Variants in DPYD observed in about 807,000 individuals in gnomAD.
DPYD encodes the protein dihydropyrimidine dehydrogenase [NADP(+)].
A neutral mutation model predicts 116.2 loss-of-function variants in DPYD; 109 were observed. That is an observed-to-expected ratio of 0.94 (90% confidence interval 0.80 to 1.10). The LOEUF is 1.10. DPYD is among the 50% of genes least tolerant of loss of function. The pLI is 0.00. For synonymous variants in DPYD, 440 were observed against 432.0 expected (o/e 1.02, Z -0.23); for missense variants, 1,302 against 1,254.5 (o/e 1.04, Z -0.57).
Position 97,078,943 on chromosome 1 carries a change from TG to T in DPYD, c.*32del, listed in dbSNP as rs763742591. The stretch of plus-strand genomic sequence containing the variant: ...AAAAGATCAGCATATGTAGGTGACA[TG>T]AAAGTTCACAGCAACTGTTTCACAA... On this transcript the variant is annotated 3_prime_UTR_variant, in exon 23 of 23. Coordinates refer to ENST00000370192, the MANE Select transcript of DPYD (RefSeq NM_000110.4). The T allele has an allele frequency of 7.4e-6, 12 of 1,612,356 alleles. No individual in the cohort carries two copies. The East Asian group carries it at 2.7e-4, about 36-fold the overall frequency.
At chr1:97,571,340 T>C (rs1471032331) in intron 11 of DPYD, among the ~76,000 whole-genome samples, 2 of 151,932 alleles carry the variant, frequency 1.3e-5, no homozygotes, top group African/African-American at 4.8e-5. Context: ...TCCTGAGAGG[T>C]AGAAAGATAA....
intron 3 of DPYD, among the ~76,000 whole-genome samples, chr1:97,760,712 T>G (rs948390059): frequency 6.6e-6 from 1 of 152,002 alleles, no homozygotes; most frequent in Non-Finnish European, 1.5e-5. Context: ...ACTTCAGGGA[T>G]CAGAGAAGAA....
intron 14 of DPYD, among the ~76,000 whole-genome samples, chr1:97,404,878 CTTTTGTGGTTGTATTTCATTA>C (rs1430597998): frequency 2.7e-5 from 4 of 148,876 alleles, no homozygotes; most frequent in Non-Finnish European, 6.0e-5. Context: ...CTGTTTCCGT[CTTTTGTGGTTGTATTTCATTA>C]TTTTATGTGA....
chr1:97,391,046 CTCTTT>C (rs2101601159), intron 14 of DPYD, among the ~76,000 whole-genome samples: 2 of 133,610 alleles, frequency 1.5e-5, no homozygotes, highest in Admixed American at 1.5e-4. Context: ...CTTACTTTTC[CTCTTT>C]TTTTTTTTTT....
chr1:97,630,566 G>C (rs1351430263), intron 8 of DPYD, among the ~76,000 whole-genome samples: 2 of 152,090 alleles, frequency 1.3e-5, no homozygotes, highest in South Asian at 2.1e-4. Context: ...TGTTTTGTCA[G>C]CTTCAAGCTG....
chr1:97,264,542 T>C (rs1664107968), intron 18 of DPYD, among the ~76,000 whole-genome samples: 1 of 152,046 alleles, frequency 6.6e-6, no homozygotes, highest in African/African-American at 2.4e-5. Context: ...CAATACCGTT[T>C]CCATTAATCA....
intron 3 of DPYD, among the ~76,000 whole-genome samples, chr1:97,760,176 G>C (rs1285369844): frequency 1.3e-5 from 2 of 152,150 alleles, no homozygotes; most frequent in African/African-American, 4.8e-5. Context: ...ACCTGAGAGA[G>C]GGTAGCTGGA....
At chr1:97,518,678 G>C (rs1648412413) in intron 12 of DPYD, among the ~76,000 whole-genome samples, 3 of 151,942 alleles carry the variant, frequency 2.0e-5, no homozygotes. Context: ...TTCAATTTCA[G>C]AAAATACTAT....
At chr1:97,385,369 T>G (rs1672277490) in intron 14 of DPYD, among the ~76,000 whole-genome samples, 1 of 130,858 alleles carries the variant, frequency 7.6e-6, no homozygotes, top group Admixed American at 8.3e-5. Flanking sequence ...AACTGGGGAA[T>G]GGGCAGAGCC....
intron 8 of DPYD, among the ~76,000 whole-genome samples, chr1:97,654,802 T>G (rs1183213990): frequency 6.6e-6 from 1 of 152,182 alleles, no homozygotes; most frequent in Non-Finnish European, 1.5e-5. Context: ...CTGGGTAATT[T>G]ATAAAGAAAA....
At chr1:97,589,407 C>G (rs930218950) in intron 10 of DPYD, among the ~76,000 whole-genome samples, 3 of 152,164 alleles carry the variant, frequency 2.0e-5, no homozygotes, top group African/African-American at 7.2e-5. Flanking sequence ...TCTCACAGAT[C>G]TGATGATTGT....
chr1:97,685,855 T>C (rs2100934071), intron 7 of DPYD, among the ~76,000 whole-genome samples: 1 of 152,076 alleles, frequency 6.6e-6, no homozygotes, highest in African/African-American at 2.4e-5. Context: ...AAAGGAAAAA[T>C]ACTCCATGCT....
At chr1:97,842,294 A>G (rs1306136917) in intron 2 of DPYD, among the ~76,000 whole-genome samples, 3 of 151,988 alleles carry the variant, frequency 2.0e-5, no homozygotes, top group Non-Finnish European at 4.4e-5. Context: ...TAGAATAATT[A>G]AATATTGGCT....
At chr1:97,361,982 G>A (rs1015710966) in intron 16 of DPYD, among the ~76,000 whole-genome samples, 2 of 152,150 alleles carry the variant, frequency 1.3e-5, no homozygotes, top group East Asian at 3.9e-4. Context: ...AGAAATAAAG[G>A]GCATTCAATT....
At chr1:97,592,952 C>T (rs1340486489) in intron 10 of DPYD, among the ~76,000 whole-genome samples, 1 of 152,124 alleles carries the variant, frequency 6.6e-6, no homozygotes, top group Non-Finnish European at 1.5e-5. Flanking sequence ...TTACTAGTTA[C>T]ATAGAATACA....
At chr1:97,757,538 T>C (rs2101117245) in intron 3 of DPYD, among the ~76,000 whole-genome samples, 1 of 152,240 alleles carries the variant, frequency 6.6e-6, no homozygotes, top group South Asian at 2.1e-4. Flanking sequence ...AATAAATAAA[T>C]AATAATACTA....
At chr1:97,261,999 T>C (rs1474146991) in intron 18 of DPYD, among the ~76,000 whole-genome samples, 3 of 152,062 alleles carry the variant, frequency 2.0e-5, no homozygotes, top group Admixed American at 1.3e-4. Flanking sequence ...TTTTGTCTTC[T>C]TCTCTTTGTT....
chr1:97,386,573 A>G (rs868699179), intron 14 of DPYD, among the ~76,000 whole-genome samples: 75 of 152,300 alleles, frequency 4.9e-4, no homozygotes, highest in African/African-American at 1.7e-3. Context: ...ATGATTTAAC[A>G]GTCTTGACAA....
rs1653661398 is a variant in DPYD at position 97,581,409 on chromosome 1, C to T, written c.1129-7439G>A. Reference sequence around the variant, plus strand: ...GTAAAGGCAGTGTACTTGAATGGCACATAAATGGGCATTTCACCTAGCAGT... The same window carrying T: ...GTAAAGGCAGTGTACTTGAATGGCATATAAATGGGCATTTCACCTAGCAGT... On this transcript the variant is annotated intron_variant, in intron 10 of 22. Transcript: ENST00000370192. Among the ~76,000 whole-genome samples the T allele has an allele frequency of 2.0e-5, 3 of 146,358 alleles. No homozygotes were observed. In the Admixed American group the frequency reaches 2.1e-4, roughly 10 times the overall value.
Sources: gnomAD v4.1 joint callset for allele counts (sites outside exome capture counted in the v4.1 genomes callset) on GRCh38, gnomAD v4.1.1 for gene constraint, MANE v1.5 for transcripts, NCBI Gene and HGNC (gene_info 2026-07-23, HGNC 2026-07-21) for gene names.